Variants in OSBPL8 observed in about 807,000 individuals in gnomAD.
OSBPL8 encodes the protein oxysterol-binding protein-related protein 8.
A neutral mutation model predicts 125.5 loss-of-function variants in OSBPL8; 59 were observed. The ratio of observed to expected loss-of-function variants is 0.47; its 90% confidence interval spans 0.38 to 0.58. OSBPL8 has a LOEUF of 0.58. Ranked by LOEUF, OSBPL8 falls within the 20% of genes least tolerant of loss-of-function variation. The pLI is 0.00. For missense variants in OSBPL8, 758 were observed against 1,047.8 expected, an observed-to-expected ratio of 0.72 and a Z score of 3.82; for synonymous variants, 330 against 338.9, an observed-to-expected ratio of 0.97 and a Z score of 0.29.
intron 18 of OSBPL8, among the ~76,000 whole-genome samples, chr12:76,372,496 T>G (rs1952658992): frequency 6.6e-6 from 1 of 152,162 alleles, no homozygotes; most frequent in Non-Finnish European, 1.5e-5. Context: ...AGAAATTTCA[T>G]TTTTTAAAAA....
intron 1 of OSBPL8, among the ~76,000 whole-genome samples, chr12:76,550,056 G>T (rs1950892301): frequency 7.0e-6 from 1 of 142,256 alleles, no homozygotes; most frequent in Non-Finnish European, 1.5e-5. Context: ...GATAAATAGA[G>T]AATGCAGCAC....
At position 76,366,381 on chromosome 12, in the gene OSBPL8, T is replaced by C. The variant is rs1952415023; in HGVS notation, c.2328+2833A>G. On this transcript the variant is annotated intron_variant, in intron 21 of 23. Transcript: ENST00000261183. ...CATAATCCTATTTCTTTATGATTGG[T>C]AGTAACATCCCCACTTTAATTTCTG... Among the ~76,000 whole-genome samples, 3 of 152,348 alleles carry C rather than the reference T, an allele frequency of 2.0e-5. No homozygotes were observed. In the South Asian group the frequency reaches 6.2e-4, roughly 32 times the overall value.
At chr12:76,529,863 T>C (rs1950285347) in intron 1 of OSBPL8, among the ~76,000 whole-genome samples, 1 of 152,222 alleles carries the variant, frequency 6.6e-6, no homozygotes, top group South Asian at 2.1e-4. Flanking sequence ...TTGCTTTAAA[T>C]GCATTATTAC....
At chr12:76,552,860 A>C (rs1418402608) in intron 1 of OSBPL8, among the ~76,000 whole-genome samples, 1 of 152,214 alleles carries the variant, frequency 6.6e-6, no homozygotes, top group African/African-American at 2.4e-5. Context: ...AAGACAGAGC[A>C]CTTCCATTAC....
At chr12:76,464,237 G>A (rs538578213) in intron 2 of OSBPL8, among the ~76,000 whole-genome samples, 21 of 152,226 alleles carry the variant, frequency 1.4e-4, no homozygotes, top group Admixed American at 7.2e-4. Flanking sequence ...GATCGCACCT[G>A]TGAACAGCCA....
chr12:76,539,571 G>C (rs1431518804), intron 1 of OSBPL8, among the ~76,000 whole-genome samples: 1 of 152,118 alleles, frequency 6.6e-6, no homozygotes, highest in Non-Finnish European at 1.5e-5. Flanking sequence ...TTCAATCAAC[G>C]TAATATTAAT....
chr12:76,538,775 C>G (rs565732686), intron 1 of OSBPL8, among the ~76,000 whole-genome samples: 74 of 151,618 alleles, frequency 4.9e-4, no homozygotes, highest in African/African-American at 1.8e-3. Flanking sequence ...CGGTGAAATC[C>G]CATCTCTACT....
intron 2 of OSBPL8, among the ~76,000 whole-genome samples, chr12:76,471,642 T>A (rs1419736611): frequency 6.6e-6 from 1 of 152,202 alleles, no homozygotes; most frequent in Non-Finnish European, 1.5e-5. Flanking sequence ...GTCACTTCAA[T>A]GATTCTGCAC....
intron 4 of OSBPL8, among the ~76,000 whole-genome samples, chr12:76,419,571 G>C (rs1426641713): frequency 2.0e-5 from 3 of 152,112 alleles, no homozygotes; most frequent in Non-Finnish European, 4.4e-5. Context: ...TTCTCCAATG[G>C]GGAAAGGCTT....
At chr12:76,394,858 T>A (rs1327988017) in intron 8 of OSBPL8, 129 bp from the exon 9 acceptor site, 3 of 597,092 alleles carry the variant, frequency 5.0e-6, no homozygotes, top group African/African-American at 1.9e-5. Context: ...AAATGAGCTT[T>A]AATTTCATCA....
intron 3 of OSBPL8, among the ~76,000 whole-genome samples, chr12:76,452,570 C>T (rs929303941): frequency 3.9e-5 from 6 of 152,200 alleles, no homozygotes; most frequent in African/African-American, 1.4e-4. Context: ...CAGGCCAAAA[C>T]CTTAGATGTG....
chr12:76,371,680 A>T (rs1463736263), intron 18 of OSBPL8, 96 bp from the exon 19 acceptor site: 17 of 1,116,616 alleles, frequency 1.5e-5, no homozygotes, highest in Middle Eastern at 6.4e-4. Context: ...CTTCTGGTTA[A>T]TCCTCCAGTT....
At position 76,410,413 on chromosome 12, in the gene OSBPL8, A is replaced by G. The variant is rs757216489; in HGVS notation, c.288+151T>C. The G allele has an allele frequency of 1.5e-5, 8 of 549,262 alleles. 1 individual carries two copies. The highest frequency in any genetic ancestry group is 5.1e-5 in the South Asian group (2 of 39,558). 34.0% of individuals were successfully genotyped at this position (549,262 alleles called of 1,614,324 possible). On this transcript the variant is annotated intron_variant, in intron 5 of 23. Transcript: ENST00000261183. ...GCCAACAATACTTATATTAGCCCCA[A>G]TGGAACTTCACTCTTTTAATACACA...
chr12:76,491,823 G>T (rs556152332), intron 1 of OSBPL8, among the ~76,000 whole-genome samples: 2 of 152,094 alleles, frequency 1.3e-5, no homozygotes, highest in African/African-American at 4.8e-5. Context: ...ACTTGTATTT[G>T]AATACTGCAT....
chr12:76,544,847 A>C (rs1950742077), intron 1 of OSBPL8, among the ~76,000 whole-genome samples: 1 of 152,184 alleles, frequency 6.6e-6, no homozygotes, highest in Non-Finnish European at 1.5e-5. Flanking sequence ...GTCTAAAAAA[A>C]AAAAACAGGA....
intron 1 of OSBPL8, chr12:76,534,166 C>T (rs1490743463): frequency 6.6e-6 from 1 of 152,106 alleles, no homozygotes; most frequent in Non-Finnish European, 1.5e-5. Flanking sequence ...TTTTATCTAA[C>T]ATTTTTCTTC....
chr12:76,356,787 T>C, intron 22 of OSBPL8, 59 bp from the exon 23 acceptor site: 1 of 1,154,046 alleles, frequency 8.7e-7, no homozygotes, highest in Non-Finnish European at 1.2e-6. Context: ...TTCAATTTAA[T>C]GTGTCTCATG....
chr12:76,487,489 T>C, intron 2 of OSBPL8, 21 bp downstream of exon 2: 2 of 1,580,678 alleles, frequency 1.3e-6, no homozygotes, highest in Non-Finnish European at 1.7e-6. Flanking sequence ...ATAGAACCTA[T>C]GTCATATATG....
At chr12:76,434,878 G>A (rs574959815) in intron 4 of OSBPL8, among the ~76,000 whole-genome samples, 2 of 152,284 alleles carry the variant, frequency 1.3e-5, no homozygotes, top group South Asian at 4.1e-4. Context: ...TCACTAGGAT[G>A]CAGGGAAAAA....
Sources: allele counts gnomAD v4.1 joint callset (sites outside exome capture counted in the v4.1 genomes callset), GRCh38; gene constraint gnomAD v4.1.1; transcripts MANE v1.5; gene names NCBI Gene and HGNC (gene_info 2026-07-23, HGNC 2026-07-21).